The following EFR3A variants were observed in gnomAD, a reference collection of about 807,000 sequenced individuals.
EFR3A encodes EFR3 homolog A.
Under a neutral mutation model 104.4 loss-of-function variants are expected in EFR3A, and 76 were observed. The observed-to-expected ratio is 0.73, with a 90% CI of 0.60 to 0.88. The LOEUF is 0.88. Among genes scored for constraint, EFR3A ranks in the 40% least tolerant of loss-of-function variants. EFR3A has a pLI of 0.00. For synonymous variants in EFR3A, 330 were observed against 330.0 expected (o/e 1.00, Z 0.00); for missense variants, 985 against 1,012.5 (o/e 0.97, Z 0.37).
rs777031189 is a variant in EFR3A, at chr8:132,010,915, G to C, written c.*20G>C. On this transcript the variant is annotated 3_prime_UTR_variant, in exon 23 of 23. Coordinates refer to ENST00000254624, the MANE Select transcript of EFR3A (RefSeq NM_015137.6). Reference sequence around the variant, plus strand: ...TACTGATCGGCGCATGAAGACCTCAGGATATGATTTGTAAAGCCTAAAAAT... The same window carrying C: ...TACTGATCGGCGCATGAAGACCTCACGATATGATTTGTAAAGCCTAAAAAT... 1 of 1,575,672 alleles carries C rather than the reference G, an allele frequency of 6.3e-7. No individual in the cohort carries two copies. The highest frequency in any genetic ancestry group is 8.7e-7 in the Non-Finnish European group (1 of 1,152,752).
At chr8:131,984,345 G>A (rs1820770216) in intron 15 of EFR3A, 45 bp downstream of exon 15, 1 of 1,453,308 alleles carries the variant, frequency 6.9e-7, no homozygotes, top group African/African-American at 1.4e-5. Context: ...TTTTTATAAA[G>A]CAGACAACAT....
At chr8:131,974,410 G>A (rs1003377198) in intron 10 of EFR3A, among the ~76,000 whole-genome samples, 1 of 152,114 alleles carries the variant, frequency 6.6e-6, no homozygotes, top group Non-Finnish European at 1.5e-5. Flanking sequence ...ATGTCCTTGT[G>A]GTAATAACTA....
intron 1 of EFR3A, among the ~76,000 whole-genome samples, chr8:131,937,969 A>T (rs1464208131): frequency 2.0e-5 from 3 of 152,008 alleles, no homozygotes. Flanking sequence ...TGAAAAACCT[A>T]CTTTTATTAA....
chr8:131,977,650 G>A (rs908354661), intron 12 of EFR3A, among the ~76,000 whole-genome samples: 12 of 152,224 alleles, frequency 7.9e-5, no homozygotes, highest in African/African-American at 9.6e-5. Flanking sequence ...GCACATATGC[G>A]TCCTCTCAAA....
chr8:131,906,605 C>T (rs1287566963), intron 1 of EFR3A, among the ~76,000 whole-genome samples: 1 of 152,060 alleles, frequency 6.6e-6, no homozygotes, highest in African/African-American at 2.4e-5. Context: ...ATGCAGTAAC[C>T]CCACTGGTTA....
Position 131,984,995 on chromosome 8 carries a change from G to A in EFR3A, c.1804G>A (p.Ala602Thr). The change falls in exon 16 of 23, where the codon GCA becomes ACA. Residue 602 changes from alanine to threonine, a missense_variant. Physicochemically the swap from Ala to Thr is moderately conservative, Grantham distance 58. Coordinates refer to ENST00000254624, the MANE Select transcript of EFR3A (RefSeq NM_015137.6). ...FHRCGIMALV[A>T]AYLNFVSQMI... The stretch of plus-strand genomic sequence containing the variant: ...TCGTTGTGGAATCATGGCACTGGTT[G>A]CAGCATACCTCAACTTTGTAAGTCA... 6.2e-7 allele frequency: 1 copy of A among 1,613,578 alleles called. No individual in the cohort carries two copies. The highest frequency in any genetic ancestry group is 1.3e-5 in the African/African-American group (1 of 75,018).
At chr8:131,970,331 T>A in intron 9 of EFR3A, 145 bp from the exon 10 acceptor site, 1 of 786,312 alleles carries the variant, frequency 1.3e-6, no homozygotes, top group Non-Finnish European at 2.0e-6. Context: ...TACTCTTTTT[T>A]AAAAAAATGA....
chr8:131,921,701 A>G (rs1817035673), intron 1 of EFR3A, among the ~76,000 whole-genome samples: 1 of 152,214 alleles, frequency 6.6e-6, no homozygotes, highest in Admixed American at 6.5e-5. Context: ...AAATTGAACA[A>G]AAATTCCTTA....
chr8:131,916,169 A>G (rs982062539), intron 1 of EFR3A, among the ~76,000 whole-genome samples: 1 of 152,234 alleles, frequency 6.6e-6, no homozygotes, highest in East Asian at 1.9e-4. Context: ...AGATGTTAAT[A>G]ATAAAAGAAA....
chr8:131,907,392 A>G (rs1263033620), intron 1 of EFR3A, among the ~76,000 whole-genome samples: 2 of 152,220 alleles, frequency 1.3e-5, no homozygotes, highest in Non-Finnish European at 2.9e-5. Flanking sequence ...CTTTTATTTT[A>G]TATGAAAAGT....
chr8:131,931,332 T>C (rs1303772644), intron 1 of EFR3A, among the ~76,000 whole-genome samples: 1 of 152,122 alleles, frequency 6.6e-6, no homozygotes, highest in East Asian at 1.9e-4. Flanking sequence ...TTTATGAATG[T>C]TGATTTTGTT....
chr8:131,986,919 C>G (rs1820917137), intron 17 of EFR3A, among the ~76,000 whole-genome samples: 1 of 151,656 alleles, frequency 6.6e-6, no homozygotes, highest in African/African-American at 2.4e-5. Context: ...AGTACAGTAT[C>G]CTGTTGAAGA....
chr8:131,963,740 A>G (rs1347292660), intron 8 of EFR3A, among the ~76,000 whole-genome samples: 1 of 152,206 alleles, frequency 6.6e-6, no homozygotes, highest in African/African-American at 2.4e-5. Context: ...CATCATCCTG[A>G]TACCAAAGCC....
intron 1 of EFR3A, among the ~76,000 whole-genome samples, chr8:131,925,853 C>G (rs1817269806): frequency 6.6e-6 from 1 of 152,052 alleles, no homozygotes; most frequent in Non-Finnish European, 1.5e-5. Flanking sequence ...TTATCCCCCT[C>G]CCAAATTTTG....
At chr8:131,984,839 A>G (rs1167035083) in intron 15 of EFR3A, 90 bp from the exon 16 acceptor site, 4 of 1,228,674 alleles carry the variant, frequency 3.3e-6, no homozygotes, top group African/African-American at 1.5e-5. Context: ...TTAGCTTTCC[A>G]AACTACCTGC....
chr8:131,994,377 TCTC>T (rs1204166673), intron 18 of EFR3A, among the ~76,000 whole-genome samples: 2 of 152,158 alleles, frequency 1.3e-5, no homozygotes, highest in South Asian at 2.1e-4. Flanking sequence ...TGGGTACTGT[TCTC>T]CTTAGCTCTT....
At chr8:131,919,144 T>C (rs1286522030) in intron 1 of EFR3A, among the ~76,000 whole-genome samples, 1 of 152,150 alleles carries the variant, frequency 6.6e-6, no homozygotes, top group South Asian at 2.1e-4. Context: ...CTATCTTTTT[T>C]CCCCCCATAT....
At position 131,940,536 on chromosome 8, in the gene EFR3A, C is replaced by T. The variant is rs1818114532; in HGVS notation, c.48C>T (p.Tyr16=). The T allele has an allele frequency of 1.2e-6, 2 of 1,608,130 alleles. No individual in the cohort carries two copies. The highest frequency in any genetic ancestry group is 1.7e-6 in the Non-Finnish European group (2 of 1,177,662). Residue 16 remains tyrosine (Y), a synonymous_variant, in exon 2 of 23, where the codon TAC becomes TAT. Transcript: ENST00000254624. ...CCCCSALRPR[Y]KRLVDNIFPE... ...GCTGTTCCGCTTTGCGTCCTCGCTA[C>T]AAACGCCTGGTGGACAACATATTCC...
intron 19 of EFR3A, 59 bp downstream of exon 19, chr8:131,996,556 T>G: frequency 8.5e-7 from 1 of 1,176,090 alleles, no homozygotes; most frequent in Non-Finnish European, 1.2e-6. Flanking sequence ...TTAAAAGAAT[T>G]TTTTGCCTTC....
Sources: gnomAD v4.1 joint callset for allele counts (sites outside exome capture counted in the v4.1 genomes callset) on GRCh38, gnomAD v4.1.1 for gene constraint, MANE v1.5 for transcripts, NCBI Gene and HGNC (gene_info 2026-07-23, HGNC 2026-07-21) for gene names.